DNAH6: variants seen among roughly 807,000 people sequenced by gnomAD.
DNAH6 encodes the protein axonemal beta dynein heavy chain 6.
Under a neutral mutation model 491.4 loss-of-function variants are expected in DNAH6, and 340 were observed. The ratio of observed to expected loss-of-function variants is 0.69; its 90% CI spans 0.63 to 0.76. The LOEUF is 0.76. Ranked by LOEUF, DNAH6 falls within the 30% of genes least tolerant of loss-of-function variation. The probability of loss-of-function intolerance (pLI) is 0.00; values close to 1 mark genes in which losing one functional copy is unlikely to be tolerated. For missense variants in DNAH6, 4,443 were observed against 4,972.2 expected (o/e 0.89, Z 3.20); for synonymous variants, 1,603 against 1,686.1 (o/e 0.95, Z 1.21).
Position 84,557,744 on chromosome 2 carries a change from T to G in DNAH6, c.1612T>G (p.Leu538Val). 2 of 1,591,020 alleles carry G rather than the reference T, an allele frequency of 1.3e-6. No homozygotes were observed. The highest frequency in any genetic ancestry group is 1.7e-6 in the Non-Finnish European group (2 of 1,164,220). The part of the protein sequence containing the change: ...PSLEDFLDGI[L>V]GAVNHCQNTV... ...CTTTTCTCTTTAACAGGATGGTATT[T>G]TGGGTGCAGTTAATCACTGTCAAAA... is the stretch of plus-strand genomic sequence containing the variant. Residue 538 changes from leucine to valine, a missense_variant, in exon 11 of 77, where the codon TTG (leucine) becomes GTG (valine). By Grantham distance (32) the Leu-to-Val change is conservative (BLOSUM62 1). Coordinates refer to ENST00000389394, the MANE Select transcript of DNAH6 (RefSeq NM_001370.2).
intron 2 of DNAH6, among the ~76,000 whole-genome samples, chr2:84,523,613 C>A (rs183089559): frequency 6.6e-6 from 1 of 152,184 alleles, no homozygotes; most frequent in Admixed American, 6.6e-5. Flanking sequence ...TCCCTCTTAA[C>A]ACTGCCTTAA....
upstream of DNAH6, among the ~76,000 whole-genome samples, chr2:84,515,870 C>T (rs1277910609): frequency 6.6e-6 from 1 of 152,098 alleles, no homozygotes; most frequent in Non-Finnish European, 1.5e-5. Flanking sequence ...AGAAGGGGCA[C>T]GGGAACCAAG....
At chr2:84,507,270 G>A in the DNAH6 span, among the ~76,000 whole-genome samples, 1 of 152,174 alleles carries the variant, frequency 6.6e-6, no homozygotes, top group African/African-American at 2.4e-5. Context: ...TCTTCTTAAA[G>A]AGGTCCTTCA....
At chr2:84,537,033 A>T (rs186363304) in intron 4 of DNAH6, among the ~76,000 whole-genome samples, 61 of 152,102 alleles carry the variant, frequency 4.0e-4, no homozygotes, top group Non-Finnish European at 6.2e-4. Context: ...GTGCCTTATA[A>T]AATGTTATTA....
intron 53 of DNAH6, 38 bp from the exon 54 acceptor site, chr2:84,707,482 T>C: frequency 8.8e-6 from 13 of 1,480,380 alleles, no homozygotes; most frequent in Non-Finnish European, 1.2e-5. Context: ...TATGAAAATA[T>C]TTAATAGTAT....
chr2:84,474,867 A>G, the DNAH6 span, among the ~76,000 whole-genome samples: 2 of 152,160 alleles, frequency 1.3e-5, no homozygotes, highest in African/African-American at 4.8e-5. Context: ...TTTTCCCTCA[A>G]TAGTTACTGT....
chr2:84,502,759 G>C, the DNAH6 span, among the ~76,000 whole-genome samples: 7 of 151,996 alleles, frequency 4.6e-5, no homozygotes, highest in Admixed American at 6.6e-5. Context: ...GACCTTCCTT[G>C]TCTCTTATAG....
At chr2:84,579,719 T>C in intron 14 of DNAH6, 40 bp downstream of exon 14, 2 of 1,493,292 alleles carry the variant, frequency 1.3e-6, no homozygotes, top group South Asian at 1.3e-5. Flanking sequence ...TTCCAGATCT[T>C]ATAGTAGGAA....
intron 63 of DNAH6, chr2:84,750,959 C>T (rs1254447709): frequency 1.3e-5 from 2 of 152,190 alleles, no homozygotes; most frequent in East Asian, 3.8e-4. Flanking sequence ...GATTAGGTTT[C>T]AGAAATTAAG....
chr2:84,677,360 A>G (rs1693342283), intron 41 of DNAH6, among the ~76,000 whole-genome samples: 1 of 152,188 alleles, frequency 6.6e-6, no homozygotes, highest in Admixed American at 6.5e-5. Context: ...ATGCAGAAAG[A>G]TTGTGCAGAC....
At chr2:84,581,918 G>A (rs1026982471) in intron 14 of DNAH6, among the ~76,000 whole-genome samples, 1 of 152,162 alleles carries the variant, frequency 6.6e-6, no homozygotes, top group African/African-American at 2.4e-5. Flanking sequence ...GGGAGGGTAG[G>A]CTACATAATT....
chr2:84,681,284 T>G (rs1693751549), intron 41 of DNAH6, 73 bp from the exon 42 acceptor site: 5 of 1,281,226 alleles, frequency 3.9e-6, no homozygotes, highest in Non-Finnish European at 4.2e-6. Context: ...AACGTTATCA[T>G]CCGGAGTATT....
Position 84,537,821 on chromosome 2 carries a change from G to GT in DNAH6, c.663-6408dup, listed in dbSNP as rs1250862786. 2.6e-5 allele frequency among the ~76,000 whole-genome samples: 4 copies of GT among 151,858 alleles called. No homozygotes were observed. In the East Asian group the frequency reaches 7.7e-4, roughly 29 times the overall value. ...ATAAATTCACATTTTGCTGTTTTTT[G>GT]TTTTGGCCATTGAAATATAAACTTG... On this transcript the variant is annotated intron_variant, in intron 4 of 76. Transcript: ENST00000389394.
At chr2:84,603,251 T>A (rs1053941372) in intron 18 of DNAH6, among the ~76,000 whole-genome samples, 1 of 151,996 alleles carries the variant, frequency 6.6e-6, no homozygotes, top group Admixed American at 6.6e-5. Flanking sequence ...TTCTTCTACT[T>A]GGATTTTTGT....
intron 18 of DNAH6, among the ~76,000 whole-genome samples, chr2:84,598,679 C>A (rs181806172): frequency 6.6e-6 from 1 of 152,138 alleles, no homozygotes; most frequent in Non-Finnish European, 1.5e-5. Context: ...TTTTGAGGGA[C>A]CTTTTTGTTT....
At chr2:84,474,178 T>C in the DNAH6 span, among the ~76,000 whole-genome samples, 1 of 152,214 alleles carries the variant, frequency 6.6e-6, no homozygotes, top group Non-Finnish European at 1.5e-5. Flanking sequence ...CTGGTTGTAG[T>C]GCACCCATGT....
chr2:84,700,352 G>A (rs1194866062), intron 48 of DNAH6, among the ~76,000 whole-genome samples: 1 of 152,172 alleles, frequency 6.6e-6, no homozygotes, highest in African/African-American at 2.4e-5. Context: ...GAGCACAGAT[G>A]CAGGTAGGTA....
At chr2:84,644,675 A>T (rs1488846896) in intron 33 of DNAH6, among the ~76,000 whole-genome samples, 3 of 152,276 alleles carry the variant, frequency 2.0e-5, no homozygotes, top group East Asian at 3.9e-4. Context: ...CCTACTTATA[A>T]GTAAGAGCAT....
At chr2:84,797,791 C>A in intron 70 of DNAH6, 133 bp downstream of exon 70, 2 of 852,950 alleles carry the variant, frequency 2.3e-6, no homozygotes, top group Non-Finnish European at 3.5e-6. Flanking sequence ...TTCACCTTGA[C>A]TTCAACATTT....
Sources: allele counts gnomAD v4.1 joint callset (sites outside exome capture counted in the v4.1 genomes callset), GRCh38; gene constraint gnomAD v4.1.1; transcripts MANE v1.5; gene names NCBI Gene and HGNC (gene_info 2026-07-23, HGNC 2026-07-21).